The following MTCL1 variants were observed in gnomAD, a reference collection of about 807,000 sequenced individuals.
The protein encoded by MTCL1 is microtubule cross-linking factor 1.
In MTCL1, 79 loss-of-function variants were observed where a neutral mutation model predicts 141.4. The ratio of observed to expected loss-of-function variants is 0.56; its 90% confidence interval spans 0.47 to 0.67. The LOEUF (loss-of-function observed/expected upper bound fraction) is 0.67, where lower values mean the gene tolerates loss of function less well. Ranked by LOEUF, MTCL1 falls within the 30% of genes least tolerant of loss-of-function variation. MTCL1 has a pLI of 0.00. For missense variants in MTCL1, 2,177 were observed against 2,113.9 expected (o/e 1.03, Z -0.59); for synonymous variants, 914 against 875.8 (o/e 1.04, Z -0.77).
At chr18:8,795,861 A>G (rs560426486) in intron 8 of MTCL1, among the ~76,000 whole-genome samples, 4 of 152,282 alleles carry the variant, frequency 2.6e-5, no homozygotes, top group Admixed American at 1.3e-4. Flanking sequence ...TTGAGTGCCC[A>G]GCTCATGTAC....
At chr18:8,713,361 A>C (rs879370389), upstream of MTCL1, among the ~76,000 whole-genome samples, 5 of 152,248 alleles carry the variant, frequency 3.3e-5, no homozygotes, top group Non-Finnish European at 5.9e-5. Flanking sequence ...CGTGTATAAA[A>C]AGACAACAGC....
chr18:8,774,445 CTTTCTTTCTTTTCTTTCT>C (rs146378075), intron 4 of MTCL1, among the ~76,000 whole-genome samples: 3 of 151,240 alleles, frequency 2.0e-5, no homozygotes, highest in Admixed American at 6.6e-5. Flanking sequence ...AATTTCTGGT[CTTTCTTTCTTTTCTTTCT>C]TTTCTTTCTT....
chr18:8,718,325 T>A (rs747692308), intron 2 of MTCL1, 99 bp from the exon 2 acceptor site: 2 of 1,169,524 alleles, frequency 1.7e-6, no homozygotes, highest in Admixed American at 2.0e-5. Context: ...AGCGTGTAGG[T>A]ATTCAATATT....
Position 8,822,287 on chromosome 18 carries a change from G to A in MTCL1, c.3188+789G>A, listed in dbSNP as rs2076870660. Among the ~76,000 whole-genome samples the A allele has an allele frequency of 6.6e-6, 1 of 151,296 alleles. No homozygotes were observed. The highest frequency in any genetic ancestry group is 1.5e-5 in the Non-Finnish European group (1 of 67,808). On this transcript the variant is annotated intron_variant, in intron 14 of 16. Coordinates refer to ENST00000359865, the Ensembl canonical transcript of MTCL1. The surrounding 1 kb of genome is among the most constrained non-coding windows in gnomAD (Gnocchi z 4.6). ...AGAGCCAAACTGCCTGGGTTGGTTG[G>A]TTGGTTGGTTGGTTGGTTGATTTTT... is the stretch of plus-strand genomic sequence containing the variant.
exon 1 of MTCL1, chr18:8,706,291 G>A: frequency 8.1e-7 from 1 of 1,229,764 alleles, no homozygotes; most frequent in Non-Finnish European, 1.0e-6. Flanking sequence ...CAGCAGCTCC[G>A]ACCTCTCTGA....
chr18:8,747,409 A>T (rs935184361), intron 4 of MTCL1, among the ~76,000 whole-genome samples: 1 of 151,980 alleles, frequency 6.6e-6, no homozygotes, highest in Non-Finnish European at 1.5e-5. Flanking sequence ...CTGTCTGGAA[A>T]GGCCCTAGGG....
At chr18:8,796,208 ACT>A in intron 8 of MTCL1, 22 bp from the exon 8 acceptor site, 2 of 1,611,572 alleles carry the variant, frequency 1.2e-6, no homozygotes, top group Non-Finnish European at 1.7e-6. Context: ...TGCTTGTCAC[ACT>A]GTCTCTCTTA....
At chr18:8,747,910 A>C (rs2096348890) in intron 4 of MTCL1, among the ~76,000 whole-genome samples, 1 of 152,060 alleles carries the variant, frequency 6.6e-6, no homozygotes, top group South Asian at 2.1e-4. Flanking sequence ...TCCTGTCCTC[A>C]TTGTGTCCTC....
intron 4 of MTCL1, among the ~76,000 whole-genome samples, chr18:8,771,427 A>T (rs2143042259): frequency 6.6e-6 from 1 of 152,346 alleles, no homozygotes; most frequent in East Asian, 1.9e-4. Context: ...TCTAAATAAT[A>T]AGAATCTGTA....
At chr18:8,718,372 A>C (rs1221298274) in intron 2 of MTCL1, 52 bp from the exon 2 acceptor site, 1 of 1,542,530 alleles carries the variant, frequency 6.5e-7, no homozygotes, top group East Asian at 2.3e-5. Flanking sequence ...GAGACATGCC[A>C]TCCTTTTTTG....
At chr18:8,734,323 T>C (rs548899118) in intron 4 of MTCL1, among the ~76,000 whole-genome samples, 2 of 152,170 alleles carry the variant, frequency 1.3e-5, no homozygotes, top group Non-Finnish European at 2.9e-5. Flanking sequence ...GGATTTCAAC[T>C]GTCTTGAAGG....
At chr18:8,809,724 G>A (rs1043395164) in intron 11 of MTCL1, 13 of 1,111,632 alleles carry the variant, frequency 1.2e-5, no homozygotes, top group African/African-American at 6.3e-5. Flanking sequence ...TTTCTAGTAC[G>A]GGTGCCTGGG....
chr18:8,743,193 CT>C (rs1282546370), intron 4 of MTCL1, among the ~76,000 whole-genome samples: 1 of 152,232 alleles, frequency 6.6e-6, no homozygotes, highest in African/African-American at 2.4e-5. Context: ...GGACATTGTT[CT>C]AGCTGGCTAG....
At chr18:8,718,691 G>T in intron 3 of MTCL1, 43 bp downstream of exon 2, 1 of 1,589,542 alleles carries the variant, frequency 6.3e-7, no homozygotes, top group Non-Finnish European at 8.6e-7. Context: ...GGCTGCTGTG[G>T]ACCGGCTGGC....
chr18:8,762,410 G>A (rs1018775679), intron 4 of MTCL1, among the ~76,000 whole-genome samples: 10 of 152,222 alleles, frequency 6.6e-5, no homozygotes, highest in South Asian at 4.1e-4. Context: ...GGTAGCTGCC[G>A]CGACTGCTCT....
chr18:8,745,026 T>G (rs16954054), intron 4 of MTCL1, among the ~76,000 whole-genome samples: 9,316 of 152,308 alleles, frequency 0.061, 569 homozygotes, highest in African/African-American at 0.16. Context: ...CAGCTGCCAA[T>G]GGAGGATCAG....
chr18:8,755,075 G>A (rs2148970049), intron 4 of MTCL1, among the ~76,000 whole-genome samples: 1 of 152,326 alleles, frequency 6.6e-6, no homozygotes, highest in Non-Finnish European at 1.5e-5. Flanking sequence ...GCACATTTGA[G>A]TAACACCGCC....
rs550785638 is a variant in MTCL1 at position 8,766,798 on chromosome 18, C to T, written c.358-11035C>T. On this transcript the variant is annotated intron_variant, in intron 4 of 16. Transcript: ENST00000359865. ...GTGGGCAGGTGCAGCTGGGACTTCC[C>T]TCCCTCTGTTCTGCCCTATGCCCAT... 6.0e-4 allele frequency among the ~76,000 whole-genome samples: 91 copies of T among 152,334 alleles called. 1 individual carries two copies. Among genetic ancestry groups the T allele is most frequent in the African/African-American group, 2.2e-3 (90 of 41,570 alleles).
At chr18:8,711,163 G>C (rs2096089672) in intron 1 of MTCL1, among the ~76,000 whole-genome samples, 1 of 150,950 alleles carries the variant, frequency 6.6e-6, no homozygotes, top group African/African-American at 2.4e-5. Context: ...TCTTGTGATA[G>C]TTTACTGAGA....
Sources: allele counts gnomAD v4.1 joint callset (sites outside exome capture counted in the v4.1 genomes callset), GRCh38; gene constraint gnomAD v4.1.1; non-coding constraint Gnocchi (gnomAD v3.1); transcripts MANE v1.5; gene names NCBI Gene and HGNC (gene_info 2026-07-23, HGNC 2026-07-21).